Variants in CCDC192 observed in about 807,000 individuals in gnomAD.
CCDC192 encodes coiled-coil domain-containing protein 192.
rs1245264262 is a variant in CCDC192, at chr5:127,719,546, T to C, written c.114+11786T>C. Among the ~76,000 whole-genome samples the C allele has an allele frequency of 0.02, 659 of 33,110 alleles. 18 individuals carry two copies. In the East Asian group the frequency reaches 0.21, roughly 11 times the overall value. 21.7% of individuals were successfully genotyped at this position (33,110 alleles called of 152,430 possible). On this transcript the variant is annotated intron_variant, in intron 2 of 6. Transcript: ENST00000514853. The stretch of plus-strand genomic sequence containing the variant: ...ATATACACACATACATATATATATA[T>C]ATATATATATATACACACATACATA...
At chr5:127,742,525 G>A (rs1364030429) in intron 2 of CCDC192, among the ~76,000 whole-genome samples, 2 of 152,144 alleles carry the variant, frequency 1.3e-5, no homozygotes, top group Non-Finnish European at 2.9e-5. Context: ...AGGGACTCTA[G>A]TTCTGGAAAG....
chr5:127,725,105 T>C (rs1464512689), intron 2 of CCDC192, among the ~76,000 whole-genome samples: 1 of 152,154 alleles, frequency 6.6e-6, no homozygotes, highest in East Asian at 1.9e-4. Context: ...ACACAAACAT[T>C]ATAAAAGATA....
chr5:127,838,055 T>G (rs1273980777), intron 5 of CCDC192, among the ~76,000 whole-genome samples: 2 of 152,184 alleles, frequency 1.3e-5, no homozygotes, highest in Non-Finnish European at 2.9e-5. Flanking sequence ...GAACTCTCTA[T>G]TAAGTATTGG....
chr5:127,794,099 ACT>A (rs1452066628), intron 3 of CCDC192, among the ~76,000 whole-genome samples: 2 of 151,928 alleles, frequency 1.3e-5, no homozygotes, highest in Non-Finnish European at 2.9e-5. Flanking sequence ...TCTCCAAATC[ACT>A]CTCCAATTCT....
intron 3 of CCDC192, chr5:127,784,698 G>C (rs1756435727): frequency 3.1e-6 from 2 of 645,432 alleles, no homozygotes; most frequent in Non-Finnish European, 5.6e-6. Context: ...TGCATTTCTT[G>C]ATCAGGGACC....
Position 127,848,318 on chromosome 5 carries a change from A to T in CCDC192, c.412-27220A>T, listed in dbSNP as rs188032125. ...AAATGGAACACAGAGGGATTTAGCC[A>T]TTGCCCAACTTGAGAGTGAACTTGG... is the stretch of plus-strand genomic sequence containing the variant. On this transcript the variant is annotated intron_variant, in intron 5 of 6. Transcript: ENST00000514853. Among the ~76,000 whole-genome samples the T allele has an allele frequency of 1.9e-3, 292 of 152,296 alleles. 1 individual carries two copies. Among genetic ancestry groups the T allele is most frequent in the Non-Finnish European group, 3.6e-3 (244 of 68,016 alleles).
At chr5:127,790,200 A>G (rs1334962117) in intron 3 of CCDC192, among the ~76,000 whole-genome samples, 1 of 152,190 alleles carries the variant, frequency 6.6e-6, no homozygotes, top group Non-Finnish European at 1.5e-5. Flanking sequence ...TTGCCGTGAT[A>G]GGTTTTGGAT....
intron 3 of CCDC192, among the ~76,000 whole-genome samples, chr5:127,758,005 T>G: frequency 6.6e-6 from 1 of 150,854 alleles, no homozygotes; most frequent in African/African-American, 2.4e-5. Context: ...AGGTGGGGAG[T>G]GTGGAAGACA....
At position 127,924,099 on chromosome 5, in the gene CCDC192, G is replaced by T. The variant is rs559328490; in HGVS notation, c.536-17083G>T. On this transcript the variant is annotated intron_variant, in intron 6 of 6. Transcript: ENST00000514853. ...TCACAGACAATATTGATTCTTTGAG[G>T]TTAATCTCAAGTAAAATATTACCTT... Among the ~76,000 whole-genome samples the T allele has an allele frequency of 1.2e-4, 18 of 152,276 alleles. 2 individuals are homozygous for T. In the South Asian group the frequency reaches 3.7e-3, roughly 32 times the overall value.
chr5:127,850,761 T>C lies in CCDC192; in HGVS notation c.412-24777T>C, dbSNP rs550709741. Among the ~76,000 whole-genome samples, 140 of 151,550 alleles carry C rather than the reference T, an allele frequency of 9.2e-4. 1 individual carries two copies. Among genetic ancestry groups the C allele is most frequent in the Non-Finnish European group, 1.6e-3 (111 of 67,862 alleles). On this transcript the variant is annotated intron_variant, in intron 5 of 6. Coordinates refer to ENST00000514853, the MANE Select transcript of CCDC192 (RefSeq NM_001317938.2). ...CAGGCAAATCACCTGAGTTTAGGAG[T>C]TCAAGACCAGCTTGGCCAACATGGT...
chr5:127,741,068 T>C (rs1189519133), intron 2 of CCDC192, among the ~76,000 whole-genome samples: 1 of 152,130 alleles, frequency 6.6e-6, no homozygotes, highest in East Asian at 1.9e-4. Flanking sequence ...GTTGTTGTCG[T>C]CATTGTTGTT....
intron 3 of CCDC192, 141 bp from the exon 4 acceptor site, chr5:127,796,962 C>T (rs1405239662): frequency 1.4e-5 from 5 of 368,480 alleles, no homozygotes; most frequent in African/African-American, 4.2e-5. Flanking sequence ...GCTAATTTAT[C>T]ATCTATGAGG....
chr5:127,890,867 C>T (rs905480892), intron 6 of CCDC192, among the ~76,000 whole-genome samples: 2 of 152,216 alleles, frequency 1.3e-5, no homozygotes, highest in Non-Finnish European at 2.9e-5. Flanking sequence ...TCTCTGTTCT[C>T]CACTGCTACC....
At chr5:127,754,977 G>A (rs1754493252) in intron 3 of CCDC192, among the ~76,000 whole-genome samples, 1 of 152,174 alleles carries the variant, frequency 6.6e-6, no homozygotes, top group Admixed American at 6.5e-5. Context: ...GTGGGTATAA[G>A]TAAAGCTCAG....
At chr5:127,878,941 C>T (rs1442378542) in intron 6 of CCDC192, among the ~76,000 whole-genome samples, 1 of 148,996 alleles carries the variant, frequency 6.7e-6, no homozygotes, top group Non-Finnish European at 1.5e-5. Flanking sequence ...AAGTAGGATT[C>T]CTAGGTATTT....
At chr5:127,740,965 A>G (rs185814038) in intron 2 of CCDC192, among the ~76,000 whole-genome samples, 2 of 152,334 alleles carry the variant, frequency 1.3e-5, no homozygotes, top group East Asian at 1.9e-4. Context: ...AAAAAGTACC[A>G]TCTTTTCAAA....
chr5:127,757,188 T>C (rs1229298911), intron 3 of CCDC192, among the ~76,000 whole-genome samples: 2 of 152,118 alleles, frequency 1.3e-5, no homozygotes, highest in African/African-American at 4.8e-5. Flanking sequence ...AAAATAGGTG[T>C]TTATATGACT....
intron 2 of CCDC192, among the ~76,000 whole-genome samples, chr5:127,719,975 C>A (rs62373501): frequency 0.31 from 46,994 of 151,870 alleles, 7,608 homozygotes; most frequent in South Asian, 0.43. Context: ...GATCACAATT[C>A]AACATGAGAT....
chr5:127,708,063 A>G (rs1181393845), intron 2 of CCDC192, among the ~76,000 whole-genome samples: 1 of 152,148 alleles, frequency 6.6e-6, no homozygotes, highest in Non-Finnish European at 1.5e-5. Context: ...CTACAATACT[A>G]TAGACATCCC....
Sources: allele counts gnomAD v4.1 joint callset (sites outside exome capture counted in the v4.1 genomes callset), GRCh38; gene constraint gnomAD v4.1.1; transcripts MANE v1.5; gene names NCBI Gene and HGNC (gene_info 2026-07-23, HGNC 2026-07-21).